Variants in PCDH8 observed in about 807,000 individuals in gnomAD.
PCDH8 encodes protocadherin-8.
In PCDH8, 36 loss-of-function variants were observed where a neutral mutation model predicts 58.2. The ratio of observed to expected loss-of-function variants is 0.62; its 90% confidence interval spans 0.47 to 0.82. PCDH8 has a LOEUF of 0.82. PCDH8 is among the 40% of genes least tolerant of loss of function. PCDH8 has a pLI of 0.00. For missense variants in PCDH8, 1,493 were observed against 1,567.8 expected (o/e 0.95, Z 0.81); for synonymous variants, 775 against 728.9 (o/e 1.06, Z -1.02).
rs1454130987 is a variant in PCDH8, at chr13:52,846,931, A to G, written c.1506T>C (p.Tyr502=). Residue 502 remains tyrosine, a synonymous_variant, in exon 1 of 3, where the codon TAT becomes TAC. Transcript: ENST00000377942. ...DNAPLFTRPV[Y]EVSVRENNPP... is the part of the protein sequence containing the mutation. The stretch of plus-strand genomic sequence containing the variant: ...GGTTGTTCTCGCGCACCGACACCTC[A>G]TAGACCGGCCGCGTGAAGAGCGGCG... 1 of 1,594,544 alleles carries G rather than the reference A, an allele frequency of 6.3e-7. No homozygotes were observed. Among genetic ancestry groups the G allele is most frequent in the Non-Finnish European group, 8.5e-7 (1 of 1,173,468 alleles).
Position 52,847,593 on chromosome 13 carries a change from C to A in PCDH8, c.844G>T (p.Val282Leu), listed in dbSNP as rs758838163. ...GGGGTGCGGGCGCCAAATGCGAACA[C>A]CACGTCGCCGTTAGGTCCCTCGTCG... The part of the protein sequence containing the change: ...DPDEGPNGDV[V>L]FAFGARTPPE... Residue 282 changes from valine (V) to leucine (L), a missense_variant, in exon 1 of 3, where the codon GTG becomes TTG. This residue lies in a region of PCDH8 where 1,307 missense variants were observed against 1,362.7 expected (regional missense o/e 0.96). Transcript: ENST00000377942. The A allele has an allele frequency of 1.6e-5, 25 of 1,566,868 alleles. No homozygotes were observed. Among genetic ancestry groups the A allele is most frequent in the Non-Finnish European group, 2.1e-5 (25 of 1,164,538 alleles).
chr13:52,845,719 A>G, intron 1 of PCDH8, 87 bp from the exon 2 acceptor site: 1 of 1,533,688 alleles, frequency 6.5e-7, no homozygotes, highest in Non-Finnish European at 8.7e-7. Context: ...GTCTACCTGA[A>G]TGCACCCACC....
chr13:52,847,982 G>C lies in PCDH8; in HGVS notation c.455C>G (p.Thr152Arg). ...CACCGGCACCTCCAAGGGGATGCGCGTGCCCACTGCCGCACCCTCGGACAC... is the reference window on the plus strand; with the variant it reads ...CACCGGCACCTCCAAGGGGATGCGCCTGCCCACTGCCGCACCCTCGGACAC... ...VEVSEGAAVG[T>R]RIPLEVPVDE... Residue 152 changes from threonine (T) to arginine (R), a missense_variant, in exon 1 of 3, where the codon ACG becomes AGG. By Grantham distance (71) the Thr-to-Arg change is moderately conservative. This residue lies in a region of PCDH8 where 1,307 missense variants were observed against 1,362.7 expected (regional missense o/e 0.96). Coordinates refer to ENST00000377942, the MANE Select transcript of PCDH8 (RefSeq NM_002590.4). The C allele has an allele frequency of 6.2e-7, 1 of 1,610,524 alleles. No individual in the cohort carries two copies. The highest frequency in any genetic ancestry group is 8.5e-7 in the Non-Finnish European group (1 of 1,178,134).
Position 52,848,182 on chromosome 13 carries a change from G to C in PCDH8, c.255C>G (p.Val85=). Residue 85 remains valine (V), a synonymous_variant, in exon 1 of 3, where the codon GTC becomes GTG. Coordinates refer to ENST00000377942, the MANE Select transcript of PCDH8 (RefSeq NM_002590.4). ...RVREGDGQLT[V]GDAGLDRERL... ...GCTCGCGGTCCAGGCCGGCGTCCCC[G>C]ACGGTCAGCTGCCCGTCGCCTTCGC... The C allele has an allele frequency of 6.2e-7, 1 of 1,612,626 alleles. No homozygotes were observed. The highest frequency in any genetic ancestry group is 8.5e-7 in the Non-Finnish European group (1 of 1,179,634).
At position 52,846,083 on chromosome 13, in the gene PCDH8, C is replaced by T. The variant is rs779577577; in HGVS notation, c.2354G>A (p.Gly785Glu). The change falls in exon 1 of 3, where the codon GGG becomes GAG. Residue 785 changes from glycine to glutamate, a missense_variant. Gly to Glu is a moderately conservative substitution (Grantham distance 98). Coordinates refer to ENST00000377942, the MANE Select transcript of PCDH8 (RefSeq NM_002590.4). Reference protein sequence around the residue: ...NRRKKEVRKGGALREERPGAA... With the variant: ...NRRKKEVRKGEALREERPGAA... ...CCCGGGCCGCTCTTCCCGGAGGGCC[C>T]CCCCTTTGCGCACCTCCTTCTTGCG... 6.4e-7 allele frequency: 1 copy of T among 1,569,692 alleles called. No homozygotes were observed. Among genetic ancestry groups the T allele is most frequent in the East Asian group, 2.4e-5 (1 of 41,086 alleles).
At position 52,846,093 on chromosome 13, in the gene PCDH8, G is replaced by T; in HGVS notation, c.2344C>A (p.Arg782Ser). The T allele has an allele frequency of 6.3e-7, 1 of 1,577,210 alleles. No homozygotes were observed. Among genetic ancestry groups the T allele is most frequent in the Non-Finnish European group, 8.5e-7 (1 of 1,169,628 alleles). Residue 782 changes from arginine to serine, a missense_variant, in exon 1 of 3, where the codon CGC (arginine) becomes AGC (serine). Physicochemically the swap from Arg to Ser is moderately radical, Grantham distance 110. Coordinates refer to ENST00000377942, the MANE Select transcript of PCDH8 (RefSeq NM_002590.4). ...TTCNRRKKEV[R>S]KGGALREERP... ...TCTTCCCGGAGGGCCCCCCCTTTGC[G>T]CACCTCCTTCTTGCGGCGGTTGCAG...
chr13:52,846,414 C>A lies in PCDH8; in HGVS notation c.2023G>T (p.Gly675Cys), dbSNP rs758914059. The A allele has an allele frequency of 6.3e-7, 1 of 1,598,216 alleles. No individual in the cohort carries two copies. The highest frequency in any genetic ancestry group is 8.5e-7 in the Non-Finnish European group (1 of 1,177,212). The change falls in exon 1 of 3, where the codon GGC (glycine) becomes TGC (cysteine). Residue 675 changes from glycine (G) to cysteine (C), a missense_variant. Transcript: ENST00000377942. ...CCGGGTGGCTCCTGCGAGAGGTCGC[C>A]GGTGAGCAGTATCTCCCCCGTGCGG... ...GRRTGEILLT[G>C]DLSQEPPGRV...
At position 52,847,436 on chromosome 13, in the gene PCDH8, C is replaced by T. The variant is rs1280594563; in HGVS notation, c.1001G>A (p.Arg334His). The change falls in exon 1 of 3, where the codon CGC (arginine) becomes CAC (histidine). Residue 334 changes from arginine to histidine, a missense_variant. Physicochemically the swap from Arg to His is conservative, Grantham distance 29. This residue lies in a region of PCDH8 where 1,307 missense variants were observed against 1,362.7 expected (regional missense o/e 0.96). Transcript: ENST00000377942. The stretch of plus-strand genomic sequence containing the variant: ...CACGATGACCTTGCAGGTGGCAGCG[C>T]GGGGCCCGGGTCCGCGGTCCTGCGC... Reference protein sequence around the residue: ...VRAQDRGPGPRAATCKVIVRI... With the variant: ...VRAQDRGPGPHAATCKVIVRI... The T allele has an allele frequency of 1.9e-6, 3 of 1,586,264 alleles. No homozygotes were observed. The highest frequency in any genetic ancestry group is 1.1e-5 in the South Asian group (1 of 88,726).
rs776493680 is a variant in PCDH8, at chr13:52,846,287, C to T, written c.2150G>A (p.Gly717Glu). The part of the protein sequence containing the change: ...SFVVTAGGGR[G>E]PAAPASAGSP... Reference sequence around the variant, plus strand: ...TCCTGCACTGGCAGGCGCAGCCGGCCCACGCCCGCCCCCTGCTGTTACCAC... The same window carrying T: ...TCCTGCACTGGCAGGCGCAGCCGGCTCACGCCCGCCCCCTGCTGTTACCAC... Residue 717 changes from glycine (G) to glutamate (E), a missense_variant, in exon 1 of 3, where the codon GGG (glycine) becomes GAG (glutamate). Transcript: ENST00000377942. 3.2e-6 allele frequency: 5 copies of T among 1,574,242 alleles called. No individual in the cohort carries two copies. The highest frequency in any genetic ancestry group is 3.4e-6 in the Non-Finnish European group (4 of 1,165,944).
chr13:52,846,579 C>A lies in PCDH8; in HGVS notation c.1858G>T (p.Glu620Ter), dbSNP rs369964308. The change falls in exon 1 of 3, where the codon GAA (glutamate) becomes TAA (stop). Residue 620 changes from glutamate to a stop codon, truncating the protein, a stop_gained. Transcript: ENST00000377942. LOFTEE classifies it high-confidence loss of function. The part of the protein sequence containing the change: ...VHPAPANGSL[E>*]VAVPGRTAKD... The stretch of plus-strand genomic sequence containing the variant: ...GCGGTGCGCCCAGGCACCGCCACTT[C>A]TAGGGAGCCATTGGCTGGCGCCGGG... 3.1e-6 allele frequency: 5 copies of A among 1,605,928 alleles called. No individual in the cohort carries two copies. Among genetic ancestry groups the A allele is most frequent in the African/African-American group, 1.3e-5 (1 of 74,900 alleles).
chr13:52,845,298 G>A lies in PCDH8; in HGVS notation c.2839+127C>T, dbSNP rs966441420. 43 of 875,692 alleles carry A rather than the reference G, an allele frequency of 4.9e-5. 1 individual carries two copies. The highest frequency in any genetic ancestry group is 3.0e-4 in the Middle Eastern group (1 of 3,294). 54.2% of individuals were successfully genotyped at this position (875,692 alleles called of 1,614,324 possible). On this transcript the variant is annotated intron_variant, in intron 2 of 2. Coordinates refer to ENST00000377942, the MANE Select transcript of PCDH8 (RefSeq NM_002590.4). The stretch of plus-strand genomic sequence containing the variant: ...CGTGTGAGGCAGGCCCGTATCCGCA[G>A]CTGTAGGAGTGAGAAAAAGTGGGGA...
rs1179044509 is a variant in PCDH8 at position 52,848,295 on chromosome 13, T to A, written c.142A>T (p.Thr48Ser). 1.2e-6 allele frequency: 2 copies of A among 1,613,392 alleles called. No homozygotes were observed. The highest frequency in any genetic ancestry group is 1.7e-6 in the Non-Finnish European group (2 of 1,180,032). Residue 48 changes from threonine (T) to serine (S), a missense_variant, in exon 1 of 3, where the codon ACC becomes TCC. Transcript: ENST00000377942. ...EEDAPGTVIG[T>S]LAEDLHMKVS... ...TTCATATGCAGGTCCTCGGCCAGGG[T>A]CCCGATGACCGTGCCGGGGGCATCC... is the stretch of plus-strand genomic sequence containing the variant.
chr13:52,848,630 TTA>T lies in PCDH8; in HGVS notation c.-196_-195del. ...CCCTCACTCTGCGCCTCTCCGTCTC[TTA>T]CAGAAGCTGCGCCGCCTCGCGCCGC... On this transcript the variant is annotated 5_prime_UTR_variant, in exon 1 of 3. Coordinates refer to ENST00000377942, the MANE Select transcript of PCDH8 (RefSeq NM_002590.4). 8.8e-7 allele frequency: 1 copy of T among 1,131,390 alleles called. No individual in the cohort carries two copies. The highest frequency in any genetic ancestry group is 1.2e-6 in the Non-Finnish European group (1 of 844,096). 70.1% of individuals were successfully genotyped at this position (1,131,390 alleles called of 1,614,324 possible).
rs764894472 is a variant in PCDH8, at chr13:52,845,643, G to A, written c.2632-11C>T. On this transcript the variant is annotated splice_polypyrimidine_tract_variant and intron_variant, in intron 1 of 2. Transcript: ENST00000377942. ...GGAGGCACCGTAGGGCTGCAGCAGG[G>A]AATAGGGGAATGGGAGTGGGGGGAG... The A allele has an allele frequency of 5.8e-5, 94 of 1,613,344 alleles. No individual in the cohort carries two copies. The highest frequency in any genetic ancestry group is 7.4e-5 in the Non-Finnish European group (87 of 1,179,872).
At position 52,847,760 on chromosome 13, in the gene PCDH8, G is replaced by C; in HGVS notation, c.677C>G (p.Ser226Cys). The change falls in exon 1 of 3, where the codon TCC becomes TGC. Residue 226 changes from serine (S) to cysteine (C), a missense_variant. Physicochemically the swap from Ser to Cys is moderately radical, Grantham distance 112 (BLOSUM62 -1). Transcript: ENST00000377942. ...VAQDGGRPPR[S>C]ATAALSVRVL... ...GCGCACGCTGAGGGCAGCCGTGGCGGAGCGCGGCGGGCGGCCGCCGTCCTG... is the reference window on the plus strand; with the variant it reads ...GCGCACGCTGAGGGCAGCCGTGGCGCAGCGCGGCGGGCGGCCGCCGTCCTG... 1 of 1,466,458 alleles carries C rather than the reference G, an allele frequency of 6.8e-7. No individual in the cohort carries two copies. Among genetic ancestry groups the C allele is most frequent in the Non-Finnish European group, 8.9e-7 (1 of 1,119,096 alleles). The allele number at this position is 1,466,458 out of a possible 1,614,324, so 90.8% of individuals were successfully genotyped here. A position where few individuals can be genotyped will look rare whatever the true frequency, so the allele number is the denominator to read the frequency against.
Position 52,848,130 on chromosome 13 carries a change from C to G in PCDH8, c.307G>C (p.Val103Leu). The stretch of plus-strand genomic sequence containing the variant: ...AAGCTGACCACATCGAAGGCCAGCA[C>G]GCACTGCGGGGCCTGGCCACACAGC... ...ERLCGQAPQC[V>L]LAFDVVSFSQ... The change falls in exon 1 of 3, where the codon GTG becomes CTG. Residue 103 changes from valine to leucine, a missense_variant. Transcript: ENST00000377942. 1.9e-6 allele frequency: 3 copies of G among 1,612,794 alleles called. No homozygotes were observed. The highest frequency in any genetic ancestry group is 2.5e-6 in the Non-Finnish European group (3 of 1,179,802).
chr13:52,848,350 G>A lies in PCDH8; in HGVS notation c.87C>T (p.Ser29=), dbSNP rs1288743080. 1 of 1,612,886 alleles carries A rather than the reference G, an allele frequency of 6.2e-7. No homozygotes were observed. Among genetic ancestry groups the A allele is most frequent in the South Asian group, 1.1e-5 (1 of 91,088 alleles). ...CGAAGGTGCTGTATCGGACTGTTTT[G>A]CTCTGGGCCACTGAGAGCACCCAGC... ...SLCWVLSVAQ[S]KTVRYSTFEE... is the part of the protein sequence containing the mutation. The change falls in exon 1 of 3, where the codon AGC becomes AGT. Residue 29 remains serine, a synonymous_variant. Coordinates refer to ENST00000377942, the MANE Select transcript of PCDH8 (RefSeq NM_002590.4).
Position 52,846,388 on chromosome 13 carries a change from A to T in PCDH8, c.2049T>A (p.Gly683=). The T allele has an allele frequency of 6.3e-7, 1 of 1,592,168 alleles. No individual in the cohort carries two copies. The highest frequency in any genetic ancestry group is 8.5e-7 in the Non-Finnish European group (1 of 1,172,254). The change falls in exon 1 of 3, where the codon GGT becomes GGA. Residue 683 remains glycine (G), a synonymous_variant. Transcript: ENST00000377942. Reference sequence around the variant, plus strand: ...TGACCAGGAGCGCCCTGAACACGCGACCGGGTGGCTCCTGCGAGAGGTCGC... The same window carrying T: ...TGACCAGGAGCGCCCTGAACACGCGTCCGGGTGGCTCCTGCGAGAGGTCGC... ...LTGDLSQEPP[G]RVFRALLVIS... is the part of the protein sequence containing the mutation.
Position 52,848,294 on chromosome 13 carries a change from G to A in PCDH8, c.143C>T (p.Thr48Ile). 6.2e-7 allele frequency: 1 copy of A among 1,613,600 alleles called. No homozygotes were observed. Among genetic ancestry groups the A allele is most frequent in the South Asian group, 1.1e-5 (1 of 91,090 alleles). The change falls in exon 1 of 3, where the codon ACC becomes ATC. Residue 48 changes from threonine (T) to isoleucine (I), a missense_variant. Transcript: ENST00000377942. ...TTTCATATGCAGGTCCTCGGCCAGG[G>A]TCCCGATGACCGTGCCGGGGGCATC... Reference protein sequence around the residue: ...EEDAPGTVIGTLAEDLHMKVS... With the variant: ...EEDAPGTVIGILAEDLHMKVS...
Sources: allele counts gnomAD v4.1 joint callset, GRCh38; gene constraint gnomAD v4.1.1; regional missense constraint gnomAD v4.1.1; transcripts MANE v1.5; gene names NCBI Gene and HGNC (gene_info 2026-07-23, HGNC 2026-07-21).